Variants in MEIOSIN observed in about 807,000 individuals in gnomAD.
MEIOSIN encodes the protein meiosis initiator, also known as meiosis initiator protein.
Under a neutral mutation model 23.4 loss-of-function variants are expected in MEIOSIN, and 18 were observed. The ratio of observed to expected loss-of-function variants is 0.77; its 90% CI spans 0.53 to 1.14. MEIOSIN has a LOEUF of 1.14. Among genes scored for constraint, MEIOSIN ranks in the 50% most tolerant of loss-of-function variants. The pLI is 0.00. For missense variants in MEIOSIN, 428 were observed against 242.9 expected (o/e 1.76, Z -5.07); for synonymous variants, 187 against 100.6 (o/e 1.86, Z -5.14).
chr19:45,758,430 CT>C (rs565719111), intron 9 of MEIOSIN, among the ~76,000 whole-genome samples: 15 of 149,080 alleles, frequency 1.0e-4, no homozygotes, highest in Non-Finnish European at 1.2e-4. Flanking sequence ...ATTTCTTCTT[CT>C]TTTTTTTTTA....
chr19:45,753,559 C>A (rs984200326), intron 5 of MEIOSIN, 92 bp from the exon 6 acceptor site: 1 of 618,784 alleles, frequency 1.6e-6, no homozygotes, highest in African/African-American at 1.8e-5. Flanking sequence ...CACCCTGACC[C>A]GGGACTGAGG....
At chr19:45,751,238 C>G (rs184191483) in intron 5 of MEIOSIN, among the ~76,000 whole-genome samples, 130 of 150,410 alleles carry the variant, frequency 8.6e-4, no homozygotes, top group Non-Finnish European at 1.5e-3. Context: ...CGCCACTGCA[C>G]CCTAGCCTGG....
In MEIOSIN at chr19:45,757,368, GA is replaced by G. The variant is rs944343628; in HGVS notation, c.1012+94del. On this transcript the variant is annotated intron_variant, in intron 9 of 14. Coordinates refer to ENST00000457052, the MANE Select transcript of MEIOSIN (RefSeq NM_001310124.2). ...GATGTCTATGGAAGAGAGGAGGCGG[GA>G]AAGGGAATGGAGATCCCCTAAGCAC... The G allele has an allele frequency of 1.4e-5, 9 of 649,110 alleles. No individual in the cohort carries two copies. The Admixed American group carries it at 1.7e-4, about 12-fold the overall frequency. The allele number at this position is 649,110 out of a possible 1,614,324, so 40.2% of individuals were successfully genotyped here.
rs769591824 is a variant in MEIOSIN at position 45,761,971 on chromosome 19, C to A, written c.1467C>A (p.Gly489=). Residue 489 remains glycine (G), a synonymous_variant, in exon 13 of 15, where the codon GGC becomes GGA. Transcript: ENST00000457052. ...DMQANPVGTP[G]SSEEDEDTTW... is the part of the protein sequence containing the mutation. Reference sequence around the variant, plus strand: ...AGGCCAACCCTGTGGGCACGCCGGGCTCCAGCGAAGAGGACGAAGACACCA... The same window carrying A: ...AGGCCAACCCTGTGGGCACGCCGGGATCCAGCGAAGAGGACGAAGACACCA... 1.8e-6 allele frequency: 1 copy of A among 562,600 alleles called. No individual in the cohort carries two copies. Among genetic ancestry groups the A allele is most frequent in the Non-Finnish European group, 3.2e-6 (1 of 314,584 alleles). 34.9% of individuals were successfully genotyped at this position (562,600 alleles called of 1,614,324 possible).
rs139916766 is a variant in MEIOSIN, at chr19:45,753,209, G to A, written c.419-442G>A. ...ACGGGACAATTAGGCCCAAGCTAGCGCTGTAGATGAGAATGTGGATAGAAG... is the reference window on the plus strand; with the variant it reads ...ACGGGACAATTAGGCCCAAGCTAGCACTGTAGATGAGAATGTGGATAGAAG... On this transcript the variant is annotated intron_variant, in intron 5 of 14. Transcript: ENST00000457052. 3.3e-3 allele frequency among the ~76,000 whole-genome samples: 507 copies of A among 152,266 alleles called. 2 individuals carry two copies. The highest frequency in any genetic ancestry group is 0.012 in the African/African-American group (480 of 41,548).
In MEIOSIN at chr19:45,744,406, A is replaced by AG. The variant is rs1376673717; in HGVS notation, c.177-783dup. Among the ~76,000 whole-genome samples the AG allele has an allele frequency of 5.9e-5, 9 of 152,200 alleles. No homozygotes were observed. In the East Asian group the frequency reaches 1.7e-3, roughly 29 times the overall value. On this transcript the variant is annotated intron_variant, in intron 3 of 14. Coordinates refer to ENST00000457052, the MANE Select transcript of MEIOSIN (RefSeq NM_001310124.2). ...AGACATATGACCTGGGCAGTCACAT[A>AG]GGGCCCTGTGCTTAGGATGGTCCAA... is the stretch of plus-strand genomic sequence containing the variant.
chr19:45,735,731 C>T (rs1011622553), intron 2 of MEIOSIN, among the ~76,000 whole-genome samples: 13 of 152,054 alleles, frequency 8.5e-5, no homozygotes, highest in African/African-American at 3.1e-4. Flanking sequence ...GGCTGGAGTG[C>T]AGTGTTGCGA....
At chr19:45,763,753 C>G (rs1437063181) in intron 14 of MEIOSIN, among the ~76,000 whole-genome samples, 1 of 152,216 alleles carries the variant, frequency 6.6e-6, no homozygotes, top group Non-Finnish European at 1.5e-5. Flanking sequence ...CCTCCACCTT[C>G]AAGGAGCTGC....
At chr19:45,761,903 C>T (rs1336305778) in intron 12 of MEIOSIN, 36 bp downstream of exon 12, 1 of 618,774 alleles carries the variant, frequency 1.6e-6, no homozygotes. Flanking sequence ...GCCAGCAGGG[C>T]CTCCTTCCTC....
At chr19:45,741,068 C>G (rs952165717) in intron 3 of MEIOSIN, among the ~76,000 whole-genome samples, 1 of 151,728 alleles carries the variant, frequency 6.6e-6, no homozygotes, top group Non-Finnish European at 1.5e-5. Flanking sequence ...AAAATATTAA[C>G]GCTGGGTGCG....
In MEIOSIN at chr19:45,735,461, C is replaced by T. The variant is rs1344152085; in HGVS notation, c.71+14C>T. 1 of 700,738 alleles carries T rather than the reference C, an allele frequency of 1.4e-6. No individual in the cohort carries two copies. The highest frequency in any genetic ancestry group is 1.7e-5 in the African/African-American group (1 of 57,286). 43.4% of individuals were successfully genotyped at this position (700,738 alleles called of 1,614,324 possible). A position where few individuals can be genotyped will look rare whatever the true frequency, so the allele number is the denominator to read the frequency against. On this transcript the variant is annotated intron_variant, in intron 2 of 14. Coordinates refer to ENST00000457052, the MANE Select transcript of MEIOSIN (RefSeq NM_001310124.2). ...TCCCAGTGACAGGTAAGGGCTTGCC[C>T]CATCTCCCTTATAGCCCCAGCCACT...
intron 4 of MEIOSIN, among the ~76,000 whole-genome samples, chr19:45,747,660 T>C (rs897828984): frequency 1.3e-5 from 2 of 152,204 alleles, no homozygotes; most frequent in Non-Finnish European, 2.9e-5. Context: ...TACATTTTTC[T>C]CATTTAACTC....
rs950262798 is a variant in MEIOSIN at position 45,764,247 on chromosome 19, T to C, written c.*129T>C. ...CCTGAGAATGCAGGTCCCATGGGAC[T>C]GGGGAGGGGGGCACTGATTAGCCCC... On this transcript the variant is annotated 3_prime_UTR_variant, in exon 15 of 15. Coordinates refer to ENST00000457052, the MANE Select transcript of MEIOSIN (RefSeq NM_001310124.2). 5 of 397,450 alleles carry C rather than the reference T, an allele frequency of 1.3e-5. No individual in the cohort carries two copies. The Middle Eastern group carries it at 1.9e-3, about 148-fold the overall frequency. 24.6% of individuals were successfully genotyped at this position (397,450 alleles called of 1,614,324 possible).
At chr19:45,760,338 C>A (rs757848387) in intron 11 of MEIOSIN, among the ~76,000 whole-genome samples, 2 of 152,014 alleles carry the variant, frequency 1.3e-5, no homozygotes, top group Non-Finnish European at 2.9e-5. Context: ...CGTGGTGGCT[C>A]ACGCCTGTAA....
At chr19:45,752,964 C>T (rs562190971) in intron 5 of MEIOSIN, among the ~76,000 whole-genome samples, 6 of 144,400 alleles carry the variant, frequency 4.2e-5, no homozygotes, top group African/African-American at 1.6e-4. Flanking sequence ...GCTCTTTTCG[C>T]CCAGGCTGGA....
chr19:45,746,003 G>A lies in MEIOSIN; in HGVS notation c.306+682G>A, dbSNP rs555851674. On this transcript the variant is annotated intron_variant, in intron 4 of 14. Coordinates refer to ENST00000457052, the MANE Select transcript of MEIOSIN (RefSeq NM_001310124.2). ...TTTGTTTTTGAGACAGGATCTCACTGTCTCACCCAGGCTACAGTGTAGTGG... is the reference window on the plus strand; with the variant it reads ...TTTGTTTTTGAGACAGGATCTCACTATCTCACCCAGGCTACAGTGTAGTGG... Among the ~76,000 whole-genome samples the A allele has an allele frequency of 4.4e-4, 67 of 152,108 alleles. 1 individual carries two copies. The highest frequency in any genetic ancestry group is 1.5e-3 in the African/African-American group (62 of 41,516).
intron 11 of MEIOSIN, among the ~76,000 whole-genome samples, chr19:45,761,177 T>C (rs1968933805): frequency 6.6e-6 from 1 of 151,172 alleles, no homozygotes; most frequent in Admixed American, 6.6e-5. Flanking sequence ...CAGGCTGGAG[T>C]GCAGTGGTAC....
intron 2 of MEIOSIN, 55 bp downstream of exon 2, chr19:45,735,502 T>A (rs1427034764): frequency 3.0e-6 from 2 of 667,656 alleles, no homozygotes. Flanking sequence ...TGAATAATAA[T>A]AACAAAAACA....
chr19:45,736,865 C>T (rs1167691311), intron 2 of MEIOSIN, among the ~76,000 whole-genome samples: 1 of 151,512 alleles, frequency 6.6e-6, no homozygotes, highest in Non-Finnish European at 1.5e-5. Context: ...GCCACTGCGC[C>T]CAGCCTTTTT....
Sources: gnomAD v4.1 joint callset for allele counts (sites outside exome capture counted in the v4.1 genomes callset) on GRCh38, gnomAD v4.1.1 for gene constraint, MANE v1.5 for transcripts, NCBI Gene and HGNC (gene_info 2026-07-23, HGNC 2026-07-21) for gene names.